ATOX1: variants seen among roughly 807,000 people sequenced by gnomAD.
The protein encoded by ATOX1 is copper transport protein ATOX1.
In ATOX1, 4 loss-of-function variants were observed where a neutral mutation model predicts 7.3. The ratio of observed to expected loss-of-function variants is 0.55; its 90% CI spans 0.27 to 1.25. The LOEUF is 1.25. ATOX1 is among the 50% of genes most tolerant of loss of function. The pLI, the probability that ATOX1 is intolerant of heterozygous loss-of-function variation, is 0.12. For missense variants in ATOX1, 68 were observed against 81.6 expected, an observed-to-expected ratio of 0.83 and a Z score of 0.64; for synonymous variants, 25 against 28.7, an observed-to-expected ratio of 0.87 and a Z score of 0.41.
At chr5:151,755,164 T>C (rs1761999114) in intron 1 of ATOX1, among the ~76,000 whole-genome samples, 2 of 152,170 alleles carry the variant, frequency 1.3e-5, no homozygotes. Context: ...TGCTCTAGGA[T>C]AACCAGCAGA....
chr5:151,755,823 G>A (rs1431289791), intron 1 of ATOX1, among the ~76,000 whole-genome samples: 3 of 152,202 alleles, frequency 2.0e-5, no homozygotes, highest in South Asian at 2.1e-4. Context: ...TGCATAACTG[G>A]GTAGTTCTGG....
At chr5:151,755,317 G>A (rs1762001351) in intron 1 of ATOX1, among the ~76,000 whole-genome samples, 3 of 152,210 alleles carry the variant, frequency 2.0e-5, no homozygotes, top group African/African-American at 7.2e-5. Context: ...TCCTCACTGA[G>A]CCTGGAAAGA....
chr5:151,758,598 A>C lies in ATOX1; in HGVS notation c.-47T>G. The C allele has an allele frequency of 7.2e-7, 1 of 1,390,648 alleles. No homozygotes were observed. The allele number at this position is 1,390,648 out of a possible 1,614,324, so 86.1% of individuals were successfully genotyped here. On this transcript the variant is annotated 5_prime_UTR_variant, in exon 1 of 4. Transcript: ENST00000313115. ...GCGGCGGTGTGGCGGCGGTGTCAGCAGCGCCTCTCTGGATTCGGAGGGCGG... is the reference window on the plus strand; with the variant it reads ...GCGGCGGTGTGGCGGCGGTGTCAGCCGCGCCTCTCTGGATTCGGAGGGCGG...
intron 1 of ATOX1, chr5:151,752,159 C>A: frequency 1.5e-6 from 1 of 668,770 alleles, no homozygotes; most frequent in Admixed American, 2.1e-5. Context: ...CCCCCATACT[C>A]TGAGCAATGC....
At chr5:151,757,747 G>A (rs1290653236) in intron 1 of ATOX1, among the ~76,000 whole-genome samples, 2 of 152,246 alleles carry the variant, frequency 1.3e-5, no homozygotes, top group Non-Finnish European at 2.9e-5. Context: ...GAGATGGGGA[G>A]CCTAAGGATA....
intron 1 of ATOX1, among the ~76,000 whole-genome samples, chr5:151,756,845 T>G (rs1561523562): frequency 6.6e-6 from 1 of 152,226 alleles, no homozygotes; most frequent in African/African-American, 2.4e-5. Flanking sequence ...GGACTAGATA[T>G]ATCAGTGGCT....
chr5:151,749,928 G>GCA (rs1353575029), intron 2 of ATOX1, among the ~76,000 whole-genome samples: 4 of 152,310 alleles, frequency 2.6e-5, no homozygotes, highest in South Asian at 2.1e-4. Flanking sequence ...CACTGGCATC[G>GCA]ACATCCCCAT....
At chr5:151,752,851 T>C (rs1236151704) in intron 1 of ATOX1, among the ~76,000 whole-genome samples, 1 of 152,120 alleles carries the variant, frequency 6.6e-6, no homozygotes, top group East Asian at 1.9e-4. Flanking sequence ...CACAGGATTT[T>C]AAGTACGGTT....
At chr5:151,746,771 T>G (rs1761884246) in intron 2 of ATOX1, among the ~76,000 whole-genome samples, 1 of 152,230 alleles carries the variant, frequency 6.6e-6, no homozygotes, top group East Asian at 1.9e-4. Flanking sequence ...ACGCACTCTG[T>G]TGCCCAGGCT....
chr5:151,743,843 A>T (rs1761849925), intron 3 of ATOX1: 1 of 152,216 alleles, frequency 6.6e-6, no homozygotes, highest in Non-Finnish European at 1.5e-5. Flanking sequence ...GGTGAAATAA[A>T]TACTAACTGT....
At chr5:151,758,509 T>C (rs1338597460) in intron 1 of ATOX1, 37 bp downstream of exon 1, 2 of 1,484,788 alleles carry the variant, frequency 1.3e-6, no homozygotes, top group African/African-American at 1.5e-5. Context: ...AACCCGGGAC[T>C]GCAAGTCTGC....
At chr5:151,750,254 T>C (rs1184701255) in intron 2 of ATOX1, among the ~76,000 whole-genome samples, 1 of 152,064 alleles carries the variant, frequency 6.6e-6, no homozygotes, top group Admixed American at 6.6e-5. Context: ...TCAAAAGAGG[T>C]GCTTTAAGAA....
chr5:151,750,413 C>T (rs1179529205), intron 2 of ATOX1, among the ~76,000 whole-genome samples: 1 of 149,848 alleles, frequency 6.7e-6, no homozygotes, highest in Non-Finnish European at 1.5e-5. Context: ...AAAAATTCAC[C>T]GGAAATCGCC....
chr5:151,745,944 C>A, intron 3 of ATOX1: 1 of 181,842 alleles, frequency 5.5e-6, no homozygotes, highest in Admixed American at 5.5e-5. Flanking sequence ...AACCAATGAA[C>A]AAATAAAGAA....
At chr5:151,747,121 GTAAGGCCCCCTAC>G (rs1761887859) in intron 2 of ATOX1, among the ~76,000 whole-genome samples, 1 of 148,442 alleles carries the variant, frequency 6.7e-6, no homozygotes, top group Non-Finnish European at 1.5e-5. Context: ...AGTAGAAGCA[GTAAGGCCCCCTAC>G]TGATCCTGCC....
In ATOX1 at chr5:151,746,300, G is replaced by A; in HGVS notation, c.*25C>T. On this transcript the variant is annotated 3_prime_UTR_variant, in exon 3 of 4. Transcript: ENST00000313115. Reference sequence around the variant, plus strand: ...CCACCTGCCCCCTTTGGTCCATCCTGTGGGCTGTGGGGACCAGGCCCCTGC... The same window carrying A: ...CCACCTGCCCCCTTTGGTCCATCCTATGGGCTGTGGGGACCAGGCCCCTGC... The A allele has an allele frequency of 1.2e-6, 2 of 1,611,630 alleles. No homozygotes were observed. Among genetic ancestry groups the A allele is most frequent in the Non-Finnish European group, 1.7e-6 (2 of 1,179,054 alleles).
intron 1 of ATOX1, chr5:151,752,090 A>G (rs1302048487): frequency 1.0e-5 from 6 of 601,308 alleles, no homozygotes; most frequent in Non-Finnish European, 1.8e-5. Context: ...CCTTCAAAAC[A>G]CTGATTCTTG....
chr5:151,745,414 GGT>G (rs756857412), intron 3 of ATOX1: 1 of 152,166 alleles, frequency 6.6e-6, no homozygotes, highest in African/African-American at 2.4e-5. Flanking sequence ...CCACATCAGA[GGT>G]GTGGCGATCA....
chr5:151,757,474 C>T lies in ATOX1; in HGVS notation c.6+1072G>A, dbSNP rs376358419. ...GTCTCAAGGCACCTGGCAAGACCCA[C>T]AGGAAATGACACCTGAGATGTCAGT... On this transcript the variant is annotated intron_variant, in intron 1 of 3. Transcript: ENST00000313115. Among the ~76,000 whole-genome samples the T allele has an allele frequency of 4.6e-4, 70 of 152,330 alleles. 1 individual carries two copies. In the Middle Eastern group the frequency reaches 0.014, roughly 30 times the overall value.
Sources: allele counts gnomAD v4.1 joint callset (sites outside exome capture counted in the v4.1 genomes callset), GRCh38; gene constraint gnomAD v4.1.1; transcripts MANE v1.5; gene names NCBI Gene and HGNC (gene_info 2026-07-23, HGNC 2026-07-21).